Variants in ALX1 observed in about 807,000 individuals in gnomAD.
ALX1 encodes ALX homeobox protein 1.
Under a neutral mutation model 31.7 loss-of-function variants are expected in ALX1, and 19 were observed. The ratio of observed to expected loss-of-function variants is 0.60; its 90% confidence interval spans 0.42 to 0.88. ALX1 has a LOEUF of 0.88. Among genes scored for constraint, ALX1 ranks in the 40% least tolerant of loss-of-function variants. The pLI is 0.00. For missense variants in ALX1, 415 were observed against 407.8 expected, an observed-to-expected ratio of 1.02 and a Z score of -0.15; for synonymous variants, 153 against 148.8, an observed-to-expected ratio of 1.03 and a Z score of -0.20.
chr12:85,282,146 A>C (rs1406693978), intron 1 of ALX1, among the ~76,000 whole-genome samples: 1 of 151,908 alleles, frequency 6.6e-6, no homozygotes, highest in East Asian at 1.9e-4. Flanking sequence ...ATTTTGCCCA[A>C]GGAGATAGAA....
intron 2 of ALX1, 76 bp downstream of exon 2, chr12:85,283,952 T>C: frequency 6.6e-7 from 1 of 1,510,128 alleles, no homozygotes; most frequent in South Asian, 1.1e-5. Context: ...AAGTGCATTT[T>C]GCCACAAAGA....
chr12:85,284,130 A>G (rs150200587), intron 2 of ALX1, among the ~76,000 whole-genome samples: 1 of 152,278 alleles, frequency 6.6e-6, no homozygotes, highest in Non-Finnish European at 1.5e-5. Context: ...TTCAAACATA[A>G]CAATATGATA....
chr12:85,280,370 A>G lies in ALX1; in HGVS notation c.109A>G (p.Asn37Asp), dbSNP rs372544988. Residue 37 changes from asparagine to aspartate, a missense_variant, in exon 1 of 4, where the codon AAT becomes GAT. Coordinates refer to ENST00000316824, the MANE Select transcript of ALX1 (RefSeq NM_006982.3). ...PLEHVMETLDNESFYSKASAG... is the reference protein window; with the variant it reads ...PLEHVMETLDDESFYSKASAG... ...GGAGCACGTTATGGAGACGCTGGACAATGAGTCCTTTTACAGCAAAGCGTC... is the reference window on the plus strand; with the variant it reads ...GGAGCACGTTATGGAGACGCTGGACGATGAGTCCTTTTACAGCAAAGCGTC... The G allele has an allele frequency of 3.1e-6, 5 of 1,613,806 alleles. No individual in the cohort carries two copies. In the African/African-American group the frequency reaches 6.7e-5, roughly 22 times the overall value.
rs527733422 is a variant in ALX1 at position 85,301,702 on chromosome 12, A to C, written c.*227A>C. The C allele has an allele frequency of 5.0e-4, 290 of 576,604 alleles. 2 individuals carry two copies. Among genetic ancestry groups the C allele is most frequent in the African/African-American group, 4.6e-3 (246 of 53,504 alleles). The allele number at this position is 576,604 out of a possible 1,614,324, so 35.7% of individuals were successfully genotyped here. ...TGCCAGTCTCCACAAACCCTGTTTT[A>C]GTAGTAAGGTTTTCTTTTTCTATTG... On this transcript the variant is annotated 3_prime_UTR_variant, in exon 4 of 4. Coordinates refer to ENST00000316824, the MANE Select transcript of ALX1 (RefSeq NM_006982.3).
chr12:85,283,536 T>A (rs779190316), intron 1 of ALX1, 36 bp from the exon 2 acceptor site: 5 of 1,606,454 alleles, frequency 3.1e-6, no homozygotes, highest in African/African-American at 1.3e-5. Context: ...AGTTTCACAA[T>A]CCTGAGAACT....
intron 1 of ALX1, among the ~76,000 whole-genome samples, chr12:85,280,895 C>A (rs1368209430): frequency 6.6e-6 from 1 of 151,832 alleles, no homozygotes; most frequent in Non-Finnish European, 1.5e-5. Context: ...TCGATCACAG[C>A]TCGTTAGAGT....
intron 3 of ALX1, among the ~76,000 whole-genome samples, chr12:85,290,811 T>G (rs1362243719): frequency 6.6e-6 from 1 of 151,100 alleles, no homozygotes; most frequent in Non-Finnish European, 1.5e-5. Context: ...CTAAGCCATA[T>G]TTACTCCATG....
intron 3 of ALX1, among the ~76,000 whole-genome samples, chr12:85,297,547 T>C (rs1055277943): frequency 6.6e-6 from 1 of 151,720 alleles, no homozygotes; most frequent in African/African-American, 2.4e-5. Context: ...AGCTTACTTT[T>C]ATAGAAAAGA....
At chr12:85,284,871 T>C (rs1421210035) in intron 2 of ALX1, among the ~76,000 whole-genome samples, 2 of 152,066 alleles carry the variant, frequency 1.3e-5, no homozygotes, top group Non-Finnish European at 2.9e-5. Flanking sequence ...AATAAAATAG[T>C]GAAAATTTTT....
chr12:85,301,375 C>G lies in ALX1; in HGVS notation c.881C>G (p.Ala294Gly), dbSNP rs766904677. ...SLLTGATNGH[A>G]FETKPEFERR... Reference sequence around the variant, plus strand: ...CTTACTGGGGCAACCAATGGACATGCATTTGAAACAAAGCCAGAGTTTGAA... The same window carrying G: ...CTTACTGGGGCAACCAATGGACATGGATTTGAAACAAAGCCAGAGTTTGAA... Residue 294 changes from alanine (A) to glycine (G), a missense_variant, in exon 4 of 4, where the codon GCA becomes GGA. Coordinates refer to ENST00000316824, the MANE Select transcript of ALX1 (RefSeq NM_006982.3). The G allele has an allele frequency of 6.2e-7, 1 of 1,614,046 alleles. No homozygotes were observed. Among genetic ancestry groups the G allele is most frequent in the South Asian group, 1.1e-5 (1 of 91,084 alleles).
intron 2 of ALX1, among the ~76,000 whole-genome samples, chr12:85,286,021 GC>G (rs1896742012): frequency 6.6e-6 from 1 of 151,802 alleles, no homozygotes; most frequent in Non-Finnish European, 1.5e-5. Flanking sequence ...AGTGACCTTA[GC>G]TGCCACAGTA....
intron 3 of ALX1, among the ~76,000 whole-genome samples, chr12:85,299,661 T>C (rs1404059876): frequency 1.3e-5 from 2 of 151,864 alleles, no homozygotes; most frequent in Non-Finnish European, 2.9e-5. Flanking sequence ...AAGGTTTTTC[T>C]CTTACGTTTT....
chr12:85,301,170 T>A lies in ALX1; in HGVS notation c.676T>A (p.Trp226Arg), dbSNP rs780138938. 6.2e-7 allele frequency: 1 copy of A among 1,614,026 alleles called. No homozygotes were observed. Residue 226 changes from tryptophan to arginine, a missense_variant, in exon 4 of 4, where the codon TGG becomes AGG. Physicochemically the swap from Trp to Arg is moderately radical, Grantham distance 101 (BLOSUM62 -3). Coordinates refer to ENST00000316824, the MANE Select transcript of ALX1 (RefSeq NM_006982.3). Reference protein sequence around the residue: ...DSYPQIQNNLWAGNASGGSVV... With the variant: ...DSYPQIQNNLRAGNASGGSVV... ...TATATTCCAGATTCAGAACAATTTG[T>A]GGGCAGGAAATGCAAGTGGTGGTTC...
At chr12:85,300,882 A>T (rs994729204) in intron 3 of ALX1, among the ~76,000 whole-genome samples, 2 of 152,244 alleles carry the variant, frequency 1.3e-5, no homozygotes, top group South Asian at 4.1e-4. Context: ...TAAAATCATG[A>T]CTATGAAAAT....
chr12:85,301,111 G>A, intron 3 of ALX1, 44 bp from the exon 4 acceptor site: 2 of 1,605,778 alleles, frequency 1.2e-6, no homozygotes, highest in South Asian at 1.1e-5. Flanking sequence ...GAGAACAAAA[G>A]TGAGAACATG....
intron 3 of ALX1, among the ~76,000 whole-genome samples, chr12:85,287,328 GTAAA>G (rs148401121): frequency 1.6e-3 from 238 of 151,606 alleles, no homozygotes; most frequent in African/African-American, 5.5e-3. Flanking sequence ...TAAAAATACT[GTAAA>G]TAGAGTGTTG....
intron 2 of ALX1, among the ~76,000 whole-genome samples, chr12:85,285,666 A>T (rs533279129): frequency 6.6e-6 from 1 of 152,158 alleles, no homozygotes; most frequent in East Asian, 1.9e-4. Flanking sequence ...ATACAAGATT[A>T]GAATTGAGTA....
intron 2 of ALX1, among the ~76,000 whole-genome samples, chr12:85,284,954 G>A (rs1251031951): frequency 1.3e-5 from 2 of 151,942 alleles, no homozygotes; most frequent in Non-Finnish European, 2.9e-5. Context: ...ACATCTGGTG[G>A]CACACGGATA....
At chr12:85,281,662 A>C (rs1242828061) in intron 1 of ALX1, among the ~76,000 whole-genome samples, 1 of 152,246 alleles carries the variant, frequency 6.6e-6, no homozygotes, top group Non-Finnish European at 1.5e-5. Context: ...TAAATCAAAA[A>C]TAAAGGTGCA....
Sources: allele counts gnomAD v4.1 joint callset (sites outside exome capture counted in the v4.1 genomes callset), GRCh38; gene constraint gnomAD v4.1.1; transcripts MANE v1.5; gene names NCBI Gene and HGNC (gene_info 2026-07-23, HGNC 2026-07-21).